Variants in PRR19 observed in about 807,000 individuals in gnomAD.
PRR19 encodes proline-rich protein 19.
PRR19 carries 9 observed loss-of-function variants against 19.2 expected under a neutral mutation model. The ratio of observed to expected loss-of-function variants is 0.47; its 90% CI spans 0.28 to 0.82. PRR19 has a LOEUF of 0.82. Among genes scored for constraint, PRR19 ranks in the 40% least tolerant of loss-of-function variants. The pLI, the probability that PRR19 is intolerant of heterozygous loss-of-function variation, is 0.11. For missense variants in PRR19, 457 were observed against 466.0 expected, an observed-to-expected ratio of 0.98 and a Z score of 0.18; for synonymous variants, 190 against 191.0, an observed-to-expected ratio of 0.99 and a Z score of 0.04.
At position 42,302,197 on chromosome 19, in the gene PRR19, C is replaced by G; in HGVS notation, c.-313C>G. The G allele has an allele frequency of 6.4e-7, 1 of 1,555,876 alleles. No homozygotes were observed. Among genetic ancestry groups the G allele is most frequent in the Non-Finnish European group, 8.7e-7 (1 of 1,148,148 alleles). On this transcript the variant is annotated 5_prime_UTR_variant, in exon 1 of 3. Coordinates refer to ENST00000341747, the MANE Select transcript of PRR19 (RefSeq NM_199285.3). ...TTCTCCTGAGCCACCCCCCGCGCCC[C>G]CGGACTCCTCAATATCCCAGGTGGG...
intron 1 of PRR19, chr19:42,308,629 C>T (rs2038744038): frequency 6.6e-6 from 1 of 152,088 alleles, no homozygotes; most frequent in South Asian, 2.1e-4. Flanking sequence ...GAACTCCTGG[C>T]CTCAAGTGAT....
intron 1 of PRR19, 133 bp downstream of exon 1, chr19:42,302,636 T>C: frequency 3.0e-6 from 1 of 330,106 alleles, no homozygotes; most frequent in Non-Finnish European, 5.7e-6. Flanking sequence ...GGCGAGACCA[T>C]CCAGCTCCCG....
chr19:42,305,285 T>A (rs572810798), intron 1 of PRR19, among the ~76,000 whole-genome samples: 8 of 140,706 alleles, frequency 5.7e-5, no homozygotes, highest in South Asian at 4.4e-4. Context: ...TAAGAGAGAA[T>A]TTTTTTTTTT....
intron 1 of PRR19, among the ~76,000 whole-genome samples, chr19:42,308,216 T>C (rs753812918): frequency 3.3e-5 from 5 of 151,890 alleles, no homozygotes; most frequent in Non-Finnish European, 7.4e-5. Flanking sequence ...TGCTCACTTA[T>C]TTTCTCTCAT....
chr19:42,310,571 G>A lies in PRR19; in HGVS notation c.902G>A (p.Trp301Ter). The change falls in exon 3 of 3, where the codon TGG (tryptophan) becomes TAG (stop). Residue 301 changes from tryptophan (W) to a stop codon, truncating the protein, a stop_gained. Coordinates refer to ENST00000341747, the MANE Select transcript of PRR19 (RefSeq NM_199285.3). LOFTEE classifies it high-confidence loss of function. ...LVATPPPPRP[W>*]GVGLPQPLPQ... Reference sequence around the variant, plus strand: ...GCCACGCCACCCCCTCCTCGGCCCTGGGGGGTTGGCCTCCCTCAGCCCCTG... The same window carrying A: ...GCCACGCCACCCCCTCCTCGGCCCTAGGGGGTTGGCCTCCCTCAGCCCCTG... 6.2e-7 allele frequency: 1 copy of A among 1,613,718 alleles called. No individual in the cohort carries two copies. The highest frequency in any genetic ancestry group is 8.5e-7 in the Non-Finnish European group (1 of 1,179,656).
At chr19:42,304,734 A>G (rs1327532718) in intron 1 of PRR19, among the ~76,000 whole-genome samples, 1 of 136,524 alleles carries the variant, frequency 7.3e-6, no homozygotes, top group African/African-American at 2.8e-5. Context: ...TGGGAGACAG[A>G]GCGAGACGCC....
intron 1 of PRR19, among the ~76,000 whole-genome samples, chr19:42,308,008 C>T (rs937631686): frequency 2.0e-5 from 3 of 151,886 alleles, no homozygotes; most frequent in Non-Finnish European, 2.9e-5. Context: ...CCGCCCGCCT[C>T]GGCCTCCCAA....
chr19:42,302,511 G>A lies in PRR19; in HGVS notation c.-7+8G>A. On this transcript the variant is annotated splice_region_variant and intron_variant, in intron 1 of 2. Transcript: ENST00000341747. ...GAAGCCTTCACTTAGGAGGTAGGTGGAATCAGGAACCTTCGCTTCCCCCAC... is the reference window on the plus strand; with the variant it reads ...GAAGCCTTCACTTAGGAGGTAGGTGAAATCAGGAACCTTCGCTTCCCCCAC... 3.6e-6 allele frequency: 2 copies of A among 554,664 alleles called. No homozygotes were observed. Among genetic ancestry groups the A allele is most frequent in the Non-Finnish European group, 3.2e-6 (1 of 314,116 alleles). 34.4% of individuals were successfully genotyped at this position (554,664 alleles called of 1,614,324 possible).
intron 1 of PRR19, 130 bp from the exon 2 acceptor site, chr19:42,309,449 T>C (rs2038756150): frequency 1.5e-6 from 1 of 676,920 alleles, no homozygotes; most frequent in Non-Finnish European, 2.5e-6. Flanking sequence ...GCCTAAGTGA[T>C]CGGCCTGCCT....
chr19:42,304,749 C>CAAA (rs934766288), intron 1 of PRR19, among the ~76,000 whole-genome samples: 5 of 36,746 alleles, frequency 1.4e-4, no homozygotes, highest in African/African-American at 2.2e-4. Flanking sequence ...GACGCCGTCT[C>CAAA]AAAAAAAAAA....
chr19:42,302,170 C>G lies in PRR19; in HGVS notation c.-340C>G, dbSNP rs190317899. The G allele has an allele frequency of 6.6e-7, 1 of 1,511,178 alleles. No homozygotes were observed. Among genetic ancestry groups the G allele is most frequent in the African/African-American group, 1.4e-5 (1 of 72,242 alleles). The allele number at this position is 1,511,178 out of a possible 1,614,324, so 93.6% of individuals were successfully genotyped here. Reference sequence around the variant, plus strand: ...GGTAGTGAGAGTGGCACGAACCAGCCGTTCTCCTGAGCCACCCCCCGCGCC... The same window carrying G: ...GGTAGTGAGAGTGGCACGAACCAGCGGTTCTCCTGAGCCACCCCCCGCGCC... On this transcript the variant is annotated 5_prime_UTR_variant, in exon 1 of 3. Transcript: ENST00000341747.
At chr19:42,308,222 C>G (rs2038736699) in intron 1 of PRR19, among the ~76,000 whole-genome samples, 9 of 151,936 alleles carry the variant, frequency 5.9e-5, no homozygotes, top group Admixed American at 5.9e-4. Context: ...CTTATTTTCT[C>G]TCATCTTCTC....
In PRR19 at chr19:42,302,407, C is replaced by G; in HGVS notation, c.-103C>G. ...CCACGCCCACTCCTACCCCTCGCGG[C>G]AACAAAGGACCGTCCCAACGCTAGC... On this transcript the variant is annotated 5_prime_UTR_variant, in exon 1 of 3. Transcript: ENST00000341747. The G allele has an allele frequency of 9.0e-7, 1 of 1,113,950 alleles. No homozygotes were observed. The highest frequency in any genetic ancestry group is 1.3e-6 in the Non-Finnish European group (1 of 786,246). 69.0% of individuals were successfully genotyped at this position (1,113,950 alleles called of 1,614,324 possible).
In PRR19 at chr19:42,302,390, A is replaced by G; in HGVS notation, c.-120A>G. The G allele has an allele frequency of 7.8e-7, 1 of 1,276,500 alleles. No individual in the cohort carries two copies. Among genetic ancestry groups the G allele is most frequent in the African/African-American group, 1.5e-5 (1 of 67,686 alleles). The allele number at this position is 1,276,500 out of a possible 1,614,324, so 79.1% of individuals were successfully genotyped here. On this transcript the variant is annotated 5_prime_UTR_variant, in exon 1 of 3. Transcript: ENST00000341747. Reference sequence around the variant, plus strand: ...GAACGGAGCTGGCTCCGCCACGCCCACTCCTACCCCTCGCGGCAACAAAGG... The same window carrying G: ...GAACGGAGCTGGCTCCGCCACGCCCGCTCCTACCCCTCGCGGCAACAAAGG...
At chr19:42,306,669 C>T (rs1045369384) in intron 1 of PRR19, among the ~76,000 whole-genome samples, 1 of 152,172 alleles carries the variant, frequency 6.6e-6, no homozygotes, top group Admixed American at 6.5e-5. Flanking sequence ...ATGGGGGCTA[C>T]CATGACCCTT....
At chr19:42,303,815 C>T (rs928389089) in intron 1 of PRR19, among the ~76,000 whole-genome samples, 1 of 152,040 alleles carries the variant, frequency 6.6e-6, no homozygotes, top group African/African-American at 2.4e-5. Flanking sequence ...GAGGGAGAGA[C>T]AGGGACCTCT....
chr19:42,308,390 CTTTTTT>C (rs774768445), intron 1 of PRR19, among the ~76,000 whole-genome samples: 1 of 119,314 alleles, frequency 8.4e-6, no homozygotes, highest in South Asian at 2.7e-4. Context: ...CCGAATCCAG[CTTTTTT>C]TTTTTTTTTT....
intron 1 of PRR19, among the ~76,000 whole-genome samples, chr19:42,304,773 G>T (rs938828204): frequency 5.5e-5 from 8 of 144,204 alleles, no homozygotes; most frequent in African/African-American, 1.8e-4. Flanking sequence ...AAAAAAAAAA[G>T]GGCAAGTGCC....
intron 1 of PRR19, among the ~76,000 whole-genome samples, chr19:42,307,658 CT>C (rs2038726285): frequency 6.6e-6 from 1 of 150,952 alleles, no homozygotes; most frequent in Non-Finnish European, 1.5e-5. Flanking sequence ...TGGTCTCGAA[CT>C]CCTGACCTCA....
Sources: allele counts gnomAD v4.1 joint callset (sites outside exome capture counted in the v4.1 genomes callset), GRCh38; gene constraint gnomAD v4.1.1; transcripts MANE v1.5; gene names NCBI Gene and HGNC (gene_info 2026-07-23, HGNC 2026-07-21).